The following PARVB variants were observed in gnomAD, a reference collection of about 807,000 sequenced individuals.
The protein encoded by PARVB is parvin beta, also known as beta-parvin.
A neutral mutation model predicts 47.0 loss-of-function variants in PARVB; 46 were observed. That is an observed-to-expected ratio of 0.98 (90% CI 0.77 to 1.25). PARVB has a LOEUF of 1.25. PARVB is among the 50% of genes most tolerant of loss of function. PARVB has a pLI of 0.00. For missense variants in PARVB, 473 were observed against 471.6 expected (o/e 1.00, Z -0.03); for synonymous variants, 196 against 196.3 (o/e 1.00, Z 0.01).
intron 1 of PARVB, among the ~76,000 whole-genome samples, chr22:44,078,268 A>C (rs930054323): frequency 9.2e-5 from 14 of 152,144 alleles, no homozygotes; most frequent in African/African-American, 3.4e-4. Context: ...CTGATGTTGG[A>C]ATTGGCACTT....
chr22:44,021,759 TCACACACACACACACACACACACACACA>T (rs3223605), upstream of PARVB, among the ~76,000 whole-genome samples: 46 of 102,786 alleles, frequency 4.5e-4, no homozygotes, highest in Admixed American at 1.6e-3. Flanking sequence ...AAGTCTAGAC[TCACACACACACACACACACACACACACA>T]CACACACACA....
chr22:44,071,281 C>G (rs2051649046), intron 1 of PARVB, among the ~76,000 whole-genome samples: 2 of 152,132 alleles, frequency 1.3e-5, no homozygotes, highest in African/African-American at 2.4e-5. Context: ...CTGTGAACGT[C>G]TAAACTGCAG....
Position 44,163,846 on chromosome 22 carries a change from C to T in PARVB, c.946-12C>T. 2 of 1,602,254 alleles carry T rather than the reference C, an allele frequency of 1.2e-6. No individual in the cohort carries two copies. The highest frequency in any genetic ancestry group is 2.3e-5 in the South Asian group (2 of 88,168). On this transcript the variant is annotated splice_polypyrimidine_tract_variant and intron_variant, in intron 11 of 12. Transcript: ENST00000338758. ...TGGACCCTAACGCTGACCCACCCCCCTTCCTTGGCAGGTCCACAATGTGTC... is the reference window on the plus strand; with the variant it reads ...TGGACCCTAACGCTGACCCACCCCCTTTCCTTGGCAGGTCCACAATGTGTC...
intron 1 of PARVB, chr22:44,039,746 G>A (rs1189063674): frequency 2.0e-5 from 8 of 401,552 alleles, no homozygotes; most frequent in Middle Eastern, 7.9e-4. Context: ...GAAATCACCC[G>A]AGACTCTCAA....
chr22:44,056,601 G>T (rs1177275699), intron 1 of PARVB, among the ~76,000 whole-genome samples: 1 of 152,056 alleles, frequency 6.6e-6, no homozygotes, highest in Non-Finnish European at 1.5e-5. Flanking sequence ...GACCCTGTGG[G>T]CTTAAGCAAT....
intron 4 of PARVB, among the ~76,000 whole-genome samples, chr22:44,122,518 GACAGAGAGAC>G (rs764974079): frequency 0.2 from 19,541 of 97,696 alleles, 3,065 homozygotes; most frequent in Admixed American, 0.24. Flanking sequence ...GAGAGAGAGA[GACAGAGAGAC>G]AGAGAGAGAG....
At chr22:44,026,213 C>T (rs2050725933) in intron 1 of PARVB, 1 of 592,256 alleles carries the variant, frequency 1.7e-6, no homozygotes, top group Non-Finnish European at 2.1e-6. Context: ...CTCCTCCTTG[C>T]CTGTATGAAT....
chr22:44,067,987 G>T (rs7285717), intron 1 of PARVB, among the ~76,000 whole-genome samples: 52,621 of 151,938 alleles, frequency 0.35, 9,849 homozygotes, highest in East Asian at 0.75. Context: ...AGGGGCACTA[G>T]TGCCCCTGGG....
At chr22:44,033,429 C>T (rs1221296960) in intron 1 of PARVB, among the ~76,000 whole-genome samples, 1 of 152,116 alleles carries the variant, frequency 6.6e-6, no homozygotes, top group Non-Finnish European at 1.5e-5. Context: ...TTCCTTGTAC[C>T]CAGAAATGTG....
chr22:44,070,694 C>G (rs1030706756), intron 1 of PARVB, among the ~76,000 whole-genome samples: 1 of 152,210 alleles, frequency 6.6e-6, no homozygotes, highest in African/African-American at 2.4e-5. Flanking sequence ...GGACAATAGA[C>G]CTTGCAATAA....
At chr22:44,002,474 C>T (rs1230231088) in intron 2 of PARVB, among the ~76,000 whole-genome samples, 1 of 152,142 alleles carries the variant, frequency 6.6e-6, no homozygotes, top group Non-Finnish European at 1.5e-5. Flanking sequence ...AAGCGAAGTG[C>T]CTGGCACGTG....
chr22:44,136,223 G>A (rs916990051), intron 6 of PARVB, among the ~76,000 whole-genome samples: 3 of 152,178 alleles, frequency 2.0e-5, no homozygotes, highest in Non-Finnish European at 2.9e-5. Flanking sequence ...AGGCCACGTG[G>A]AGACCAGAGG....
intron 1 of PARVB, 91 bp downstream of exon 1, chr22:44,024,542 TC>T: frequency 4.0e-6 from 2 of 499,606 alleles, no homozygotes; most frequent in Non-Finnish European, 5.4e-6. Context: ...GCCCCCGCCC[TC>T]CCCCACGCAC....
chr22:44,106,138 G>GTTTTTTT (rs959620356), intron 3 of PARVB: 2 of 69,352 alleles, frequency 2.9e-5, no homozygotes, highest in Non-Finnish European at 5.2e-5. Context: ...AGCCAGATGT[G>GTTTTTTT]TTTTTTTTTT....
chr22:44,133,346 C>T lies in PARVB; in HGVS notation c.633+337C>T, dbSNP rs550093816. Among the ~76,000 whole-genome samples the T allele has an allele frequency of 2.7e-3, 417 of 152,234 alleles. 3 individuals are homozygous for T. Among genetic ancestry groups the T allele is most frequent in the African/African-American group, 9.7e-3 (404 of 41,542 alleles). On this transcript the variant is annotated intron_variant, in intron 6 of 12. Transcript: ENST00000338758. ...ATTACTCATTGGAGGAGGTTGGCCC[C>T]GCGGGATGAAACAGACACCCAAATT...
At chr22:44,028,867 G>A (rs1227987619) in intron 1 of PARVB, among the ~76,000 whole-genome samples, 2 of 152,182 alleles carry the variant, frequency 1.3e-5, no homozygotes, top group South Asian at 2.1e-4. Flanking sequence ...GTTTCAATTC[G>A]CATTTCCCTG....
intron 11 of PARVB, among the ~76,000 whole-genome samples, chr22:44,158,446 A>G (rs1013021366): frequency 6.6e-6 from 1 of 152,160 alleles, no homozygotes; most frequent in Non-Finnish European, 1.5e-5. Context: ...TACCATCTCC[A>G]GTGGTGGCAC....
At chr22:44,099,415 C>T (rs920774453) in intron 2 of PARVB, among the ~76,000 whole-genome samples, 3 of 152,188 alleles carry the variant, frequency 2.0e-5, no homozygotes, top group Non-Finnish European at 4.4e-5. Context: ...GCTCAGCTGG[C>T]TGCCTGGTGT....
intron 8 of PARVB, chr22:44,141,356 G>A (rs917848553): frequency 1.3e-5 from 2 of 152,354 alleles, no homozygotes; most frequent in Admixed American, 1.3e-4. Context: ...TGAGGAGCAG[G>A]GAAGCCAGTT....
Sources: gnomAD v4.1 joint callset for allele counts (sites outside exome capture counted in the v4.1 genomes callset) on GRCh38, gnomAD v4.1.1 for gene constraint, MANE v1.5 for transcripts, NCBI Gene and HGNC (gene_info 2026-07-23, HGNC 2026-07-21) for gene names.